CTIF: variants seen among roughly 807,000 people sequenced by gnomAD.
The protein encoded by CTIF is cap binding complex dependent translation initiation factor.
A neutral mutation model predicts 66.0 loss-of-function variants in CTIF; 21 were observed. The ratio of observed to expected loss-of-function variants is 0.32; its 90% CI spans 0.23 to 0.46. The LOEUF (loss-of-function observed/expected upper bound fraction) is 0.46, where lower values mean the gene tolerates loss of function less well. CTIF is among the 20% of genes least tolerant of loss of function. The probability of loss-of-function intolerance (pLI) is 1.00; values close to 1 mark genes in which losing one functional copy is unlikely to be tolerated. For missense variants in CTIF, 739 were observed against 812.7 expected (o/e 0.91, Z 1.10); for synonymous variants, 345 against 326.4 (o/e 1.06, Z -0.62).
chr18:48,553,886 C>T (rs2088953652), intron 1 of CTIF, among the ~76,000 whole-genome samples: 1 of 151,858 alleles, frequency 6.6e-6, no homozygotes, highest in Admixed American at 6.6e-5. Flanking sequence ...TGGTCTTAAT[C>T]TCCTGACCTC....
At chr18:48,752,154 C>G (rs966992024) in intron 7 of CTIF, among the ~76,000 whole-genome samples, 1 of 152,196 alleles carries the variant, frequency 6.6e-6, no homozygotes, top group African/African-American at 2.4e-5. Context: ...CTGGCAAAGA[C>G]CTCAATCTTG....
chr18:48,832,950 T>C (rs1003867557), intron 10 of CTIF, among the ~76,000 whole-genome samples: 5 of 152,114 alleles, frequency 3.3e-5, no homozygotes, highest in African/African-American at 7.2e-5. Flanking sequence ...GCGGAGGTGG[T>C]AGGGAATGAA....
At chr18:48,674,636 G>A (rs534655460) in intron 6 of CTIF, among the ~76,000 whole-genome samples, 67 of 152,164 alleles carry the variant, frequency 4.4e-4, no homozygotes, top group Non-Finnish European at 7.3e-4. Context: ...ATGAATCCAG[G>A]GGTGAGTCTC....
At chr18:48,677,278 C>G (rs999674820) in intron 6 of CTIF, among the ~76,000 whole-genome samples, 6 of 152,294 alleles carry the variant, frequency 3.9e-5, no homozygotes, top group African/African-American at 1.4e-4. Flanking sequence ...CACCCGTGGT[C>G]CCACGGAGGT....
At chr18:48,620,210 C>T (rs1023979933) in intron 2 of CTIF, among the ~76,000 whole-genome samples, 4 of 152,286 alleles carry the variant, frequency 2.6e-5, no homozygotes, top group South Asian at 2.1e-4. Context: ...GCCAAAGTCT[C>T]GTGGGATTCT....
chr18:48,838,703 C>T (rs899317953), intron 10 of CTIF, among the ~76,000 whole-genome samples: 2 of 152,218 alleles, frequency 1.3e-5, no homozygotes, highest in Non-Finnish European at 2.9e-5. Flanking sequence ...ACAGCCTTCT[C>T]CAACACTTCA....
intron 9 of CTIF, among the ~76,000 whole-genome samples, chr18:48,793,672 A>G (rs1034920282): frequency 6.6e-6 from 1 of 152,156 alleles, no homozygotes; most frequent in African/African-American, 2.4e-5. Context: ...CAATTAGCCC[A>G]GCTCAAGTTT....
At chr18:48,718,139 T>C (rs965676296) in intron 7 of CTIF, among the ~76,000 whole-genome samples, 1 of 152,256 alleles carries the variant, frequency 6.6e-6, no homozygotes, top group African/African-American at 2.4e-5. Context: ...TGACTTGGTC[T>C]GTGTGAACCT....
intron 9 of CTIF, among the ~76,000 whole-genome samples, chr18:48,807,098 C>T (rs1486393418): frequency 1.3e-5 from 2 of 152,136 alleles, no homozygotes; most frequent in Admixed American, 6.5e-5. Context: ...GCAGAAAGGA[C>T]TCCTTGTTCC....
rs1041309242 is a variant in CTIF at position 48,859,493 on chromosome 18, C to T, written c.1731C>T (p.Ser577=). The T allele has an allele frequency of 6.2e-7, 1 of 1,614,094 alleles. No individual in the cohort carries two copies. The highest frequency in any genetic ancestry group is 1.7e-5 in the Admixed American group (1 of 60,016). ...AGGTCATCGAGCTCCACGCTAACAG[C>T]TGGAACCCTCTGACGCCCCCCATCA... ...LLEVIELHAN[S]WNPLTPPITQ... The change falls in exon 12 of 12, where the codon AGC becomes AGT. Residue 577 remains serine (S), a synonymous_variant. Coordinates refer to ENST00000256413, the MANE Select transcript of CTIF (RefSeq NM_014772.3).
At chr18:48,804,014 C>T (rs375081065) in intron 9 of CTIF, among the ~76,000 whole-genome samples, 2 of 152,166 alleles carry the variant, frequency 1.3e-5, no homozygotes, top group African/African-American at 4.8e-5. Context: ...TGTAAGACAG[C>T]CCAGGCCTGT....
At position 48,758,370 on chromosome 18, in the gene CTIF, T is replaced by G; in HGVS notation, c.1036T>G (p.Ser346Ala). Residue 346 changes from serine (S) to alanine (A), a missense_variant, in exon 8 of 12, where the codon TCC becomes GCC. Around this residue, in one of 2 missense-constraint regions of CTIF, gnomAD observed 529 missense variants for 520.3 expected, o/e 1.02. Coordinates refer to ENST00000256413, the MANE Select transcript of CTIF (RefSeq NM_014772.3). Reference protein sequence around the residue: ...ERPKITLLQSSKDRLRRRLKE... With the variant: ...ERPKITLLQSAKDRLRRRLKE... The stretch of plus-strand genomic sequence containing the variant: ...GCCCAAAATTACCCTGCTCCAGTCT[T>G]CCAAAGACAGACTGCGGCGAAGGCT... 6.2e-7 allele frequency: 1 copy of G among 1,600,524 alleles called. No homozygotes were observed. The highest frequency in any genetic ancestry group is 2.2e-5 in the East Asian group (1 of 44,650).
At chr18:48,609,504 TCTCACAGCAC>T (rs2090268203) in intron 1 of CTIF, among the ~76,000 whole-genome samples, 1 of 152,120 alleles carries the variant, frequency 6.6e-6, no homozygotes, top group Admixed American at 6.5e-5. Context: ...TTCACATGAT[TCTCACAGCAC>T]CTCATGAGGT....
intron 7 of CTIF, among the ~76,000 whole-genome samples, chr18:48,716,532 G>A (rs997698483): frequency 2.0e-5 from 3 of 151,906 alleles, no homozygotes; most frequent in African/African-American, 7.3e-5. Flanking sequence ...ATCTAAGCAG[G>A]CTCTGGAGCC....
chr18:48,626,091 C>G lies in CTIF; in HGVS notation c.180+6346C>G, dbSNP rs190533906. 2.7e-5 allele frequency among the ~76,000 whole-genome samples: 4 copies of G among 150,646 alleles called. No individual in the cohort carries two copies. The East Asian group carries it at 7.8e-4, about 29-fold the overall frequency. ...ATCTCAGCTCACTGCAACCTCCCCC[C>G]ACCGCAGGTTCAAGCAACTCTCCTG... On this transcript the variant is annotated intron_variant, in intron 2 of 11. Transcript: ENST00000256413.
intron 3 of CTIF, among the ~76,000 whole-genome samples, chr18:48,658,607 ATG>A (rs1461581251): frequency 4.0e-5 from 6 of 151,820 alleles, no homozygotes; most frequent in African/African-American, 9.7e-5. Flanking sequence ...GTGTGTATGT[ATG>A]TGTGTCTGGT....
intron 3 of CTIF, among the ~76,000 whole-genome samples, chr18:48,658,345 A>G (rs1199510586): frequency 6.6e-6 from 1 of 152,054 alleles, no homozygotes; most frequent in African/African-American, 2.4e-5. Context: ...ATATGCATGT[A>G]GCATGTGATG....
At chr18:48,546,056 T>C (rs2088741186) in intron 1 of CTIF, among the ~76,000 whole-genome samples, 1 of 151,908 alleles carries the variant, frequency 6.6e-6, no homozygotes, top group African/African-American at 2.4e-5. Flanking sequence ...CCCCTTGGAG[T>C]GTACAGAGTG....
chr18:48,628,393 G>A (rs2090640972), intron 2 of CTIF, among the ~76,000 whole-genome samples: 1 of 152,134 alleles, frequency 6.6e-6, no homozygotes, highest in African/African-American at 2.4e-5. Context: ...GGGGAGATGA[G>A]GAGGAAGTAA....
Sources: gnomAD v4.1 joint callset for allele counts (sites outside exome capture counted in the v4.1 genomes callset) on GRCh38, gnomAD v4.1.1 for gene constraint, gnomAD v4.1.1 regional missense constraint, MANE v1.5 for transcripts, NCBI Gene and HGNC (gene_info 2026-07-23, HGNC 2026-07-21) for gene names.